GRM8: variants seen among roughly 807,000 people sequenced by gnomAD.
GRM8 encodes glutamate metabotropic receptor 8.
GRM8 carries 47 observed loss-of-function variants against 87.2 expected under a neutral mutation model. That is an observed-to-expected ratio of 0.54 (90% CI 0.43 to 0.69). The LOEUF (loss-of-function observed/expected upper bound fraction) is 0.69. Ranked by LOEUF, GRM8 falls within the 30% of genes least tolerant of loss-of-function variation. The pLI is 0.00. For missense variants in GRM8, 1,019 were observed against 1,139.2 expected (o/e 0.89, Z 1.52); for synonymous variants, 396 against 404.5 (o/e 0.98, Z 0.25).
chr7:126,958,737 G>T (rs1375812034), intron 3 of GRM8, among the ~76,000 whole-genome samples: 1 of 152,134 alleles, frequency 6.6e-6, no homozygotes, highest in Non-Finnish European at 1.5e-5. Context: ...CTGGCAAAGT[G>T]ACACCCCAAG....
At chr7:127,250,197 C>A (rs1336847912) in intron 1 of GRM8, among the ~76,000 whole-genome samples, 1 of 152,192 alleles carries the variant, frequency 6.6e-6, no homozygotes, top group African/African-American at 2.4e-5. Context: ...ATTAAACAAG[C>A]CCCGCAGCAG....
chr7:126,490,251 T>C (rs1181325751), intron 9 of GRM8, among the ~76,000 whole-genome samples: 1 of 152,094 alleles, frequency 6.6e-6, no homozygotes, highest in Non-Finnish European at 1.5e-5. Context: ...TCTCCTCTTA[T>C]CCAAGTTCTC....
intron 8 of GRM8, among the ~76,000 whole-genome samples, chr7:126,535,293 T>G (rs183804610): frequency 6.6e-6 from 1 of 152,142 alleles, no homozygotes; most frequent in African/African-American, 2.4e-5. Context: ...AAAGGCATTT[T>G]GGTTTCGGCC....
intron 7 of GRM8, among the ~76,000 whole-genome samples, chr7:126,661,403 T>C (rs2151280242): frequency 6.6e-6 from 1 of 152,336 alleles, no homozygotes; most frequent in Admixed American, 6.5e-5. Context: ...AAAACATATG[T>C]TTTAAAAAAC....
At chr7:126,672,931 G>A (rs1342281203) in intron 7 of GRM8, among the ~76,000 whole-genome samples, 1 of 152,138 alleles carries the variant, frequency 6.6e-6, no homozygotes, top group East Asian at 1.9e-4. Flanking sequence ...CCCCTTATCA[G>A]GCGAAAGCAG....
intron 9 of GRM8, among the ~76,000 whole-genome samples, chr7:126,475,128 C>A (rs1348774777): frequency 6.6e-6 from 1 of 151,658 alleles, no homozygotes. Flanking sequence ...GAGTTGTAAC[C>A]AAAGCAATTA....
At chr7:126,510,388 A>G (rs1332743911) in intron 9 of GRM8, among the ~76,000 whole-genome samples, 2 of 151,942 alleles carry the variant, frequency 1.3e-5, no homozygotes, top group African/African-American at 4.8e-5. Flanking sequence ...TCATTAAGAG[A>G]TCTATCTAAT....
chr7:126,747,202 G>A (rs866700137), intron 7 of GRM8, among the ~76,000 whole-genome samples: 8 of 151,928 alleles, frequency 5.3e-5, no homozygotes, highest in Admixed American at 3.3e-4. Context: ...ATACATAGAC[G>A]TTACTTTCTC....
At chr7:127,178,045 T>A (rs12534607) in intron 2 of GRM8, among the ~76,000 whole-genome samples, 32,363 of 151,880 alleles carry the variant, frequency 0.21, 3,621 homozygotes, top group Middle Eastern at 0.3. Flanking sequence ...TAGTTATTAA[T>A]CTAATCAGGG....
intron 2 of GRM8, among the ~76,000 whole-genome samples, chr7:127,230,548 G>A (rs1383715718): frequency 1.3e-5 from 2 of 152,106 alleles, no homozygotes; most frequent in African/African-American, 2.4e-5. Flanking sequence ...TAGAATGAAT[G>A]TGTATCCCCC....
rs189526300 is a variant in GRM8, at chr7:126,587,058, C to T, written c.1494+22304G>A. 3.1e-4 allele frequency among the ~76,000 whole-genome samples: 47 copies of T among 152,248 alleles called. No homozygotes were observed. The East Asian group carries it at 8.5e-3, about 27-fold the overall frequency. ...TCTCAAAAGAACACATTTATGCAGC[C>T]CACAGACACAGGAAAAAATGCTCAT... On this transcript the variant is annotated intron_variant, in intron 8 of 10. Transcript: ENST00000339582.
chr7:126,688,864 T>C (rs1008118964), intron 7 of GRM8, among the ~76,000 whole-genome samples: 1 of 151,944 alleles, frequency 6.6e-6, no homozygotes, highest in African/African-American at 2.4e-5. Flanking sequence ...TAACTCACAA[T>C]GAGAGCTCTC....
chr7:126,485,085 G>A (rs536359259), intron 9 of GRM8, among the ~76,000 whole-genome samples: 4 of 151,932 alleles, frequency 2.6e-5, no homozygotes, highest in Non-Finnish European at 4.4e-5. Flanking sequence ...TTTTAAGCAA[G>A]CATTTATTAT....
intron 6 of GRM8, among the ~76,000 whole-genome samples, chr7:126,860,539 C>T (rs1241833001): frequency 6.6e-6 from 1 of 152,164 alleles, no homozygotes; most frequent in Non-Finnish European, 1.5e-5. Flanking sequence ...AACATATTAT[C>T]CATTCTAAAG....
chr7:126,453,689 T>A (rs1409153496), intron 9 of GRM8, among the ~76,000 whole-genome samples: 1 of 151,802 alleles, frequency 6.6e-6, no homozygotes, highest in African/African-American at 2.4e-5. Flanking sequence ...AATATTTGGA[T>A]TAGTAAATAA....
At chr7:127,039,982 G>A (rs74192055) in intron 3 of GRM8, among the ~76,000 whole-genome samples, 10,753 of 63,374 alleles carry the variant, frequency 0.17, 2,036 homozygotes, top group Non-Finnish European at 0.26. Context: ...GGGGAAAGGG[G>A]AAGGGGAAGG....
At chr7:127,066,212 T>G (rs1821090220) in intron 3 of GRM8, among the ~76,000 whole-genome samples, 2 of 152,210 alleles carry the variant, frequency 1.3e-5, no homozygotes, top group African/African-American at 4.8e-5. Flanking sequence ...AATCACTCAC[T>G]GAACACATAA....
intron 2 of GRM8, among the ~76,000 whole-genome samples, chr7:127,153,634 C>T (rs1286542422): frequency 6.6e-6 from 1 of 152,088 alleles, no homozygotes; most frequent in Non-Finnish European, 1.5e-5. Context: ...AAGTTGGTGA[C>T]TATGAACTTT....
chr7:127,212,405 G>C (rs147280254), intron 2 of GRM8, among the ~76,000 whole-genome samples: 3,216 of 139,998 alleles, frequency 0.023, 122 homozygotes, highest in African/African-American at 0.084. Context: ...CTAGGACATG[G>C]TGTTATTTTT....
Sources: allele counts gnomAD v4.1 joint callset (sites outside exome capture counted in the v4.1 genomes callset), GRCh38; gene constraint gnomAD v4.1.1; transcripts MANE v1.5; gene names NCBI Gene and HGNC (gene_info 2026-07-23, HGNC 2026-07-21).